Variants in COX7B2 observed in about 807,000 individuals in gnomAD.
COX7B2 encodes the protein cytochrome c oxidase subunit 7B2, mitochondrial.
For synonymous variants in COX7B2, 37 were observed against 32.1 expected (o/e 1.15, Z -0.51); for missense variants, 109 against 95.9 (o/e 1.14, Z -0.57).
chr4:46,801,090 A>AG (rs1193774417), intron 2 of COX7B2, among the ~76,000 whole-genome samples: 1 of 152,182 alleles, frequency 6.6e-6, no homozygotes, highest in East Asian at 1.9e-4. Flanking sequence ...AAAAAATAAC[A>AG]GACTCTGGCA....
At chr4:46,866,225 C>A (rs1351655051) in intron 1 of COX7B2, among the ~76,000 whole-genome samples, 1 of 152,210 alleles carries the variant, frequency 6.6e-6, no homozygotes, top group Non-Finnish European at 1.5e-5. Context: ...AGTATCCCCC[C>A]TTCTGGAAAA....
chr4:46,801,311 T>C (rs879760550), intron 2 of COX7B2, among the ~76,000 whole-genome samples: 10 of 152,180 alleles, frequency 6.6e-5, no homozygotes, highest in Non-Finnish European at 1.3e-4. Context: ...CTACTTACAA[T>C]AGCAAAGACA....
intron 2 of COX7B2, among the ~76,000 whole-genome samples, chr4:46,826,262 T>C (rs1043667212): frequency 3.3e-5 from 5 of 152,016 alleles, no homozygotes; most frequent in African/African-American, 4.8e-5. Context: ...AAAAAACATA[T>C]GAAAAAATCT....
At chr4:46,783,517 A>T (rs1487369637) in intron 2 of COX7B2, among the ~76,000 whole-genome samples, 1 of 152,186 alleles carries the variant, frequency 6.6e-6, no homozygotes, top group Non-Finnish European at 1.5e-5. Flanking sequence ...CCCTATTCTG[A>T]CATTTTGAAA....
At chr4:46,833,876 A>G (rs760058163) in intron 2 of COX7B2, among the ~76,000 whole-genome samples, 1 of 152,178 alleles carries the variant, frequency 6.6e-6, no homozygotes, top group Non-Finnish European at 1.5e-5. Flanking sequence ...GGGTTGGCAA[A>G]TTGGAATTCT....
intron 1 of COX7B2, among the ~76,000 whole-genome samples, chr4:46,845,859 A>G (rs1437564328): frequency 1.3e-5 from 2 of 152,016 alleles, no homozygotes; most frequent in African/African-American, 2.4e-5. Context: ...AATCTGGCAT[A>G]TGGTTAAACT....
intron 2 of COX7B2, among the ~76,000 whole-genome samples, chr4:46,757,255 C>A (rs1403541175): frequency 2.4e-5 from 3 of 123,578 alleles, no homozygotes; most frequent in Non-Finnish European, 3.2e-5. Context: ...GGGAGCTCAA[C>A]AATATGTACA....
chr4:46,851,743 G>T (rs1716700553), intron 1 of COX7B2, among the ~76,000 whole-genome samples: 1 of 151,978 alleles, frequency 6.6e-6, no homozygotes, highest in Non-Finnish European at 1.5e-5. Context: ...TTTGTAAAAT[G>T]TCCTTCCATT....
At chr4:46,749,909 ATC>A (rs1287947677) in intron 2 of COX7B2, among the ~76,000 whole-genome samples, 1 of 152,160 alleles carries the variant, frequency 6.6e-6, no homozygotes, top group East Asian at 1.9e-4. Flanking sequence ...GAATTCTATT[ATC>A]TGATTCAACT....
At chr4:46,890,779 A>G (rs556464438) in intron 1 of COX7B2, among the ~76,000 whole-genome samples, 1 of 152,344 alleles carries the variant, frequency 6.6e-6, no homozygotes, top group South Asian at 2.1e-4. Flanking sequence ...GGAAAGATAC[A>G]GTAGTCTGGG....
Position 46,781,970 on chromosome 4 carries a change from G to A in COX7B2, c.-49-46729C>T, listed in dbSNP as rs551418336. On this transcript the variant is annotated intron_variant, in intron 2 of 2. Transcript: ENST00000355591. The stretch of plus-strand genomic sequence containing the variant: ...CGCCCGGAGGGCTCCTGTGCAGCCC[G>A]AGCCTCCCTGATGGGCGCCGCCCCC... Among the ~76,000 whole-genome samples the A allele has an allele frequency of 1.1e-4, 16 of 152,260 alleles. No individual in the cohort carries two copies. The South Asian group carries it at 2.9e-3, about 28-fold the overall frequency.
chr4:46,830,796 C>CTT (rs1715028925), intron 2 of COX7B2, among the ~76,000 whole-genome samples: 2 of 152,242 alleles, frequency 1.3e-5, no homozygotes, highest in East Asian at 3.9e-4. Context: ...CTGCAAATGG[C>CTT]TTTCAAAGTT....
chr4:46,781,466 G>A (rs2109552294), intron 2 of COX7B2, among the ~76,000 whole-genome samples: 1 of 152,290 alleles, frequency 6.6e-6, no homozygotes, highest in Middle Eastern at 3.4e-3. Flanking sequence ...TCAAGATTTG[G>A]TTTTCAAATC....
chr4:46,747,471 T>C (rs1169698760), intron 2 of COX7B2, among the ~76,000 whole-genome samples: 2 of 151,704 alleles, frequency 1.3e-5, no homozygotes, highest in Non-Finnish European at 2.9e-5. Context: ...GCCTGGCTAA[T>C]TTTTGTATTT....
chr4:46,749,240 T>C (rs1715201305), intron 2 of COX7B2, among the ~76,000 whole-genome samples: 1 of 152,194 alleles, frequency 6.6e-6, no homozygotes, highest in Non-Finnish European at 1.5e-5. Flanking sequence ...CCTCGCAATA[T>C]ATAATATTTA....
At chr4:46,735,548 A>G (rs1714313574) in intron 2 of COX7B2, among the ~76,000 whole-genome samples, 1 of 152,194 alleles carries the variant, frequency 6.6e-6, no homozygotes, top group Non-Finnish European at 1.5e-5. Context: ...TCTACAGACT[A>G]CAAACTTATT....
intron 2 of COX7B2, among the ~76,000 whole-genome samples, chr4:46,813,983 A>G (rs531034058): frequency 6.6e-6 from 1 of 152,180 alleles, no homozygotes; most frequent in Non-Finnish European, 1.5e-5. Flanking sequence ...CTGTAATGAG[A>G]TATTATCTCA....
chr4:46,753,256 T>C (rs921470243), intron 2 of COX7B2, among the ~76,000 whole-genome samples: 14 of 152,156 alleles, frequency 9.2e-5, no homozygotes, highest in Non-Finnish European at 1.5e-4. Flanking sequence ...GTGGGATCGG[T>C]GGTGATATCC....
chr4:46,823,934 C>T (rs918455262), intron 2 of COX7B2, among the ~76,000 whole-genome samples: 9 of 151,034 alleles, frequency 6.0e-5, no homozygotes, highest in African/African-American at 2.2e-4. Context: ...ATTCTGGATA[C>T]CACAAATACC....
Sources: gnomAD v4.1 joint callset for allele counts (sites outside exome capture counted in the v4.1 genomes callset) on GRCh38, gnomAD v4.1.1 for gene constraint, MANE v1.5 for transcripts, NCBI Gene and HGNC (gene_info 2026-07-23, HGNC 2026-07-21) for gene names.